Variants in RALYL observed in about 807,000 individuals in gnomAD.
RALYL encodes RALY RNA binding protein like, also known as RNA-binding Raly-like protein.
Under a neutral mutation model 35.1 loss-of-function variants are expected in RALYL, and 29 were observed. The observed-to-expected ratio is 0.83, with a 90% CI of 0.61 to 1.13. The LOEUF is 1.13. Ranked by LOEUF, RALYL falls within the 50% of genes most tolerant of loss-of-function variation. The probability of loss-of-function intolerance (pLI) is 0.00; values close to 1 mark genes in which losing one functional copy is unlikely to be tolerated. For synonymous variants in RALYL, 120 were observed against 127.6 expected (o/e 0.94, Z 0.40); for missense variants, 359 against 360.4 (o/e 1.00, Z 0.03).
At chr8:84,441,631 C>T (rs573256580) in intron 1 of RALYL, among the ~76,000 whole-genome samples, 2 of 152,212 alleles carry the variant, frequency 1.3e-5, no homozygotes, top group South Asian at 2.1e-4. Flanking sequence ...GCATAGTGAA[C>T]TGTCGGAGCT....
At chr8:84,859,905 T>C (rs942615321) in intron 5 of RALYL, among the ~76,000 whole-genome samples, 2 of 152,006 alleles carry the variant, frequency 1.3e-5, no homozygotes, top group African/African-American at 4.8e-5. Context: ...CTCACCAAAA[T>C]ATTCAGAGAA....
At chr8:84,390,948 A>T (rs749037802) in intron 1 of RALYL, among the ~76,000 whole-genome samples, 2 of 151,970 alleles carry the variant, frequency 1.3e-5, no homozygotes, top group Non-Finnish European at 2.9e-5. Flanking sequence ...CGTTCCTCCA[A>T]ACTTTAGGGG....
At chr8:84,253,436 G>A (rs1199747976) in intron 1 of RALYL, among the ~76,000 whole-genome samples, 5 of 149,284 alleles carry the variant, frequency 3.3e-5, no homozygotes, top group African/African-American at 4.9e-5. Context: ...TCCCAATCTC[G>A]TGATCCGCCT....
intron 1 of RALYL, among the ~76,000 whole-genome samples, chr8:84,520,909 C>T (rs891118081): frequency 1.3e-5 from 2 of 152,164 alleles, no homozygotes; most frequent in Admixed American, 6.5e-5. Flanking sequence ...CACTGGTTTA[C>T]ACGAGCCCTC....
intron 6 of RALYL, among the ~76,000 whole-genome samples, chr8:84,866,341 T>G (rs1196577741): frequency 6.6e-6 from 1 of 152,190 alleles, no homozygotes; most frequent in African/African-American, 2.4e-5. Context: ...ACCTCTAATT[T>G]CTACCTGGAA....
At chr8:84,732,666 A>AT (rs1846400922) in intron 2 of RALYL, among the ~76,000 whole-genome samples, 1 of 136,680 alleles carries the variant, frequency 7.3e-6, no homozygotes, top group Non-Finnish European at 1.5e-5. Flanking sequence ...ATTATTAAAT[A>AT]ATTATATATA....
chr8:84,258,406 C>T (rs1178616275), intron 1 of RALYL, among the ~76,000 whole-genome samples: 1 of 151,950 alleles, frequency 6.6e-6, no homozygotes, highest in Non-Finnish European at 1.5e-5. Flanking sequence ...TAAATACAGT[C>T]CTGCAGAAAG....
rs556033139 is a variant in RALYL at position 84,368,530 on chromosome 8, AG to A, written c.-23-160768del. Among the ~76,000 whole-genome samples, 945 of 152,320 alleles carry A rather than the reference AG, an allele frequency of 6.2e-3. 6 individuals carry two copies. The highest frequency in any genetic ancestry group is 0.011 in the Non-Finnish European group (731 of 68,038). Reference sequence around the variant, plus strand: ...TACCTGAGACTGGCCAATTTACAAAAGAAAGAGGTTTAATGGACTCACAGTT... The same window carrying A: ...TACCTGAGACTGGCCAATTTACAAAAAAAGAGGTTTAATGGACTCACAGTT... On this transcript the variant is annotated intron_variant, in intron 1 of 8. Coordinates refer to ENST00000521268, the MANE Select transcript of RALYL (RefSeq NM_173848.7).
At chr8:84,444,690 A>G (rs2048683584) in intron 1 of RALYL, among the ~76,000 whole-genome samples, 1 of 152,132 alleles carries the variant, frequency 6.6e-6, no homozygotes, top group Non-Finnish European at 1.5e-5. Context: ...GGTAAAGCCA[A>G]TAATAGGAGA....
intron 1 of RALYL, among the ~76,000 whole-genome samples, chr8:84,411,289 C>T (rs552610841): frequency 6.6e-6 from 1 of 151,908 alleles, no homozygotes; most frequent in African/African-American, 2.4e-5. Flanking sequence ...GGTCCACTAC[C>T]CATGACACTT....
intron 2 of RALYL, chr8:84,679,772 T>C (rs1419499663): frequency 1.9e-6 from 1 of 518,838 alleles, no homozygotes. Context: ...TCAGCACTGA[T>C]GAAGCCAGGG....
intron 2 of RALYL, among the ~76,000 whole-genome samples, chr8:84,733,990 A>G (rs1846734677): frequency 6.6e-6 from 1 of 152,234 alleles, no homozygotes; most frequent in Non-Finnish European, 1.5e-5. Flanking sequence ...AGTTCTGTAT[A>G]CAAAGTATTA....
chr8:84,206,877 T>G (rs1473654172), intron 1 of RALYL, among the ~76,000 whole-genome samples: 1 of 152,092 alleles, frequency 6.6e-6, no homozygotes, highest in Non-Finnish European at 1.5e-5. Context: ...GAATAGACAT[T>G]TCTCAAAAGA....
chr8:84,185,087 T>A (rs1250460637), intron 1 of RALYL: 2 of 1,524,210 alleles, frequency 1.3e-6, no homozygotes, highest in Non-Finnish European at 1.8e-6. Context: ...TTGGATCTTT[T>A]TTTTCCCTGT....
At chr8:84,269,431 T>C (rs1177629134) in intron 1 of RALYL, among the ~76,000 whole-genome samples, 1 of 152,200 alleles carries the variant, frequency 6.6e-6, no homozygotes, top group Non-Finnish European at 1.5e-5. Flanking sequence ...TTTTATCTTG[T>C]GAATGATTAT....
intron 3 of RALYL, among the ~76,000 whole-genome samples, chr8:84,781,475 A>C (rs1333120377): frequency 6.6e-6 from 1 of 152,214 alleles, no homozygotes; most frequent in Non-Finnish European, 1.5e-5. Flanking sequence ...ATCCATTAAT[A>C]TCTTCTGGCA....
chr8:84,635,506 C>T (rs1289341173), intron 2 of RALYL, among the ~76,000 whole-genome samples: 1 of 151,614 alleles, frequency 6.6e-6, no homozygotes, highest in African/African-American at 2.4e-5. Context: ...ATAGAATAAT[C>T]AGCTTTCTTA....
At chr8:84,721,346 G>T (rs1843872249) in intron 2 of RALYL, among the ~76,000 whole-genome samples, 1 of 152,082 alleles carries the variant, frequency 6.6e-6, no homozygotes, top group Non-Finnish European at 1.5e-5. Context: ...TATGTTTACT[G>T]CAGCACTGTT....
chr8:84,849,953 A>G (rs769450584), intron 4 of RALYL, 27 bp from the exon 5 acceptor site: 9 of 1,340,176 alleles, frequency 6.7e-6, no homozygotes, highest in Non-Finnish European at 9.1e-6. Flanking sequence ...AACAAATGCC[A>G]ACTAATTTTT....
Sources: gnomAD v4.1 joint callset for allele counts (sites outside exome capture counted in the v4.1 genomes callset) on GRCh38, gnomAD v4.1.1 for gene constraint, MANE v1.5 for transcripts, NCBI Gene and HGNC (gene_info 2026-07-23, HGNC 2026-07-21) for gene names.